The following PLCH1 variants were observed in gnomAD, a reference collection of about 807,000 sequenced individuals.
PLCH1 encodes 1-phosphatidylinositol 4,5-bisphosphate phosphodiesterase eta-1.
A neutral mutation model predicts 126.7 loss-of-function variants in PLCH1; 60 were observed. The observed-to-expected ratio is 0.47, with a 90% CI of 0.38 to 0.59. The LOEUF is 0.59. Ranked by LOEUF, PLCH1 falls within the 20% of genes least tolerant of loss-of-function variation. The pLI is 0.00. For synonymous variants in PLCH1, 719 were observed against 734.9 expected, an observed-to-expected ratio of 0.98 and a Z score of 0.35; for missense variants, 1,723 against 2,040.0, an observed-to-expected ratio of 0.84 and a Z score of 2.99.
intron 2 of PLCH1, among the ~76,000 whole-genome samples, chr3:155,670,260 C>T (rs1743272689): frequency 3.3e-5 from 5 of 152,124 alleles, no homozygotes; most frequent in Admixed American, 2.6e-4. Context: ...TATTTCATTT[C>T]TTCTTTTCTC....
At chr3:155,565,511 G>C (rs1728230263) in intron 7 of PLCH1, among the ~76,000 whole-genome samples, 1 of 151,874 alleles carries the variant, frequency 6.6e-6, no homozygotes, top group South Asian at 2.1e-4. Flanking sequence ...CACGTGACCT[G>C]TTTCCTCCCA....
intron 2 of PLCH1, among the ~76,000 whole-genome samples, chr3:155,677,411 G>T (rs558192156): frequency 6.6e-6 from 1 of 152,278 alleles, no homozygotes; most frequent in Non-Finnish European, 1.5e-5. Flanking sequence ...GGATTTCAAA[G>T]GTATATGTGG....
At chr3:155,522,018 A>G (rs1450679770) in intron 11 of PLCH1, among the ~76,000 whole-genome samples, 2 of 152,204 alleles carry the variant, frequency 1.3e-5, no homozygotes, top group African/African-American at 4.8e-5. Flanking sequence ...GGATACTCCA[A>G]TTTGTTCCCA....
At chr3:155,607,054 T>G (rs1734458035) in intron 2 of PLCH1, among the ~76,000 whole-genome samples, 1 of 152,208 alleles carries the variant, frequency 6.6e-6, no homozygotes, top group African/African-American at 2.4e-5. Flanking sequence ...TGGTGTGAAC[T>G]TTAAGTCACA....
chr3:155,730,438 G>A (rs377618209), intron 1 of PLCH1, among the ~76,000 whole-genome samples: 9 of 151,944 alleles, frequency 5.9e-5, no homozygotes, highest in Non-Finnish European at 1.2e-4. Flanking sequence ...CCCGCACCAC[G>A]CCCAGCTAAT....
chr3:155,550,686 T>C (rs1725991144), intron 9 of PLCH1, among the ~76,000 whole-genome samples: 2 of 152,252 alleles, frequency 1.3e-5, no homozygotes. Flanking sequence ...AACCTTATTT[T>C]TTCCTCAGAA....
chr3:155,577,606 T>C (rs1016809512), intron 6 of PLCH1, among the ~76,000 whole-genome samples: 10 of 152,246 alleles, frequency 6.6e-5, no homozygotes, highest in African/African-American at 2.4e-4. Flanking sequence ...TAGATTTCTT[T>C]TGAGTCATGC....
chr3:155,531,276 T>TA (rs1484260412), intron 10 of PLCH1, among the ~76,000 whole-genome samples: 2 of 152,216 alleles, frequency 1.3e-5, no homozygotes, highest in African/African-American at 2.4e-5. Flanking sequence ...CTGCAGCTAT[T>TA]AAAGTCCCAG....
rs1472527928 is a variant in PLCH1, at chr3:155,481,215, C to T, written c.4811G>A (p.Gly1604Glu). Residue 1604 changes from glycine (G) to glutamate (E), a missense_variant, in exon 23 of 23, where the codon GGA (glycine) becomes GAA (glutamate). Gly to Glu is a moderately conservative substitution (Grantham distance 98). Around this residue, in one of 2 missense-constraint regions of PLCH1, gnomAD observed 947 missense variants for 977.1 expected, o/e 0.97. Coordinates refer to ENST00000460012, the MANE Select transcript of PLCH1 (RefSeq NM_014996.4). The surrounding 1 kb of genome is among the most constrained non-coding windows in gnomAD (Gnocchi z 4.2). ...TGAGGGTTTGTTTCTAAGAACCACT[C>T]CTGCCCCATTGCTGGGGTTTGGAAC... ...QKVPNPSNGA[G>E]VVLRNKPSAP... The T allele has an allele frequency of 1.2e-6, 2 of 1,614,098 alleles. No homozygotes were observed. Among genetic ancestry groups the T allele is most frequent in the African/African-American group, 1.3e-5 (1 of 74,944 alleles).
intron 8 of PLCH1, among the ~76,000 whole-genome samples, chr3:155,562,320 A>G (rs1023701548): frequency 1.3e-5 from 2 of 152,110 alleles, no homozygotes; most frequent in African/African-American, 4.8e-5. Context: ...TCATTTTCTT[A>G]AAGTGTGATG....
chr3:155,474,730 T>C (rs1202329004), intron 21 of PLCH1, among the ~76,000 whole-genome samples: 1 of 117,468 alleles, frequency 8.5e-6, no homozygotes, highest in Non-Finnish European at 1.7e-5. Flanking sequence ...ATATACACCA[T>C]GGAATACTAT....
intron 4 of PLCH1, among the ~76,000 whole-genome samples, chr3:155,589,487 G>A (rs960987860): frequency 2.0e-5 from 3 of 151,948 alleles, no homozygotes; most frequent in Non-Finnish European, 2.9e-5. Context: ...AGGAGTCCAC[G>A]CAAAAATCCT....
intron 1 of PLCH1, among the ~76,000 whole-genome samples, chr3:155,717,855 T>TGAGCAA (rs1747645345): frequency 1.3e-5 from 2 of 152,232 alleles, no homozygotes; most frequent in African/African-American, 4.8e-5. Flanking sequence ...GGCAAGGTGT[T>TGAGCAA]GCTCCCCAAC....
At chr3:155,530,715 T>G (rs925738888) in intron 10 of PLCH1, among the ~76,000 whole-genome samples, 1 of 152,192 alleles carries the variant, frequency 6.6e-6, no homozygotes, top group Non-Finnish European at 1.5e-5. Flanking sequence ...TCTGTTGACC[T>G]CCTCAAAAAA....
chr3:155,515,858 G>A (rs909601016), intron 11 of PLCH1, among the ~76,000 whole-genome samples: 3 of 152,150 alleles, frequency 2.0e-5, no homozygotes, highest in African/African-American at 2.4e-5. Flanking sequence ...CATTCTTCAC[G>A]AAAAGTTTAA....
At chr3:155,675,391 C>T (rs1743989396) in intron 2 of PLCH1, among the ~76,000 whole-genome samples, 1 of 152,200 alleles carries the variant, frequency 6.6e-6, no homozygotes, top group Admixed American at 6.5e-5. Context: ...TCTCCTAACT[C>T]ATACTTTAAG....
intron 2 of PLCH1, among the ~76,000 whole-genome samples, chr3:155,598,192 A>C (rs1246213807): frequency 1.3e-5 from 2 of 152,182 alleles, no homozygotes; most frequent in African/African-American, 4.8e-5. Flanking sequence ...CTCAAAAAAA[A>C]AAAATTACTT....
chr3:155,470,043 T>C (rs1020826072), intron 21 of PLCH1, among the ~76,000 whole-genome samples: 2 of 151,948 alleles, frequency 1.3e-5, no homozygotes, highest in African/African-American at 4.8e-5. Context: ...AGGAACGCAG[T>C]TCCTCACCAG....
At chr3:155,734,327 G>A (rs1748997217) in intron 1 of PLCH1, among the ~76,000 whole-genome samples, 1 of 151,978 alleles carries the variant, frequency 6.6e-6, no homozygotes, top group African/African-American at 2.4e-5. Flanking sequence ...AGTCATAGTG[G>A]CATGTGCCTG....
Sources: gnomAD v4.1 joint callset for allele counts (sites outside exome capture counted in the v4.1 genomes callset) on GRCh38, gnomAD v4.1.1 for gene constraint, gnomAD v4.1.1 regional missense constraint, Gnocchi (gnomAD v3.1) non-coding constraint, MANE v1.5 for transcripts, NCBI Gene and HGNC (gene_info 2026-07-23, HGNC 2026-07-21) for gene names.